The following TFEC variants were observed in gnomAD, a reference collection of about 807,000 sequenced individuals.
TFEC encodes the protein class E basic helix-loop-helix protein 34.
Under a neutral mutation model 41.6 loss-of-function variants are expected in TFEC, and 31 were observed. The observed-to-expected ratio is 0.74, with a 90% CI of 0.56 to 1.01. The LOEUF (loss-of-function observed/expected upper bound fraction) is 1.01. Among genes scored for constraint, TFEC ranks in the 50% least tolerant of loss-of-function variants. TFEC has a pLI of 0.00. For synonymous variants in TFEC, 143 were observed against 140.6 expected (o/e 1.02, Z -0.12); for missense variants, 402 against 404.1 (o/e 0.99, Z 0.04).
chr7:116,083,858 C>A (rs1473394189), intron 3 of TFEC, among the ~76,000 whole-genome samples: 1 of 151,874 alleles, frequency 6.6e-6, no homozygotes, highest in African/African-American at 2.4e-5. Context: ...CTGCCACAAT[C>A]CAAGCTTTGT....
chr7:115,946,100 A>C (rs1456236970), intron 6 of TFEC, among the ~76,000 whole-genome samples: 1 of 151,770 alleles, frequency 6.6e-6, no homozygotes, highest in Non-Finnish European at 1.5e-5. Flanking sequence ...TATAACTTGC[A>C]AACTATTCCC....
intron 1 of TFEC, among the ~76,000 whole-genome samples, chr7:115,989,481 A>T (rs536125612): frequency 6.6e-6 from 1 of 152,312 alleles, no homozygotes; most frequent in Admixed American, 6.5e-5. Context: ...GGGTCGGGGA[A>T]TTCTCTTTCC....
Position 115,938,801 on chromosome 7 carries a change from A to G in TFEC, c.*1750T>C, listed in dbSNP as rs976328430. 9 of 152,006 alleles carry G rather than the reference A, an allele frequency of 5.9e-5. No individual in the cohort carries two copies. Among genetic ancestry groups the G allele is most frequent in the South Asian group, 4.1e-4 (2 of 4,820 alleles). The allele number at this position is 152,006 out of a possible 1,614,324, so 9.4% of individuals were successfully genotyped here. A position where few individuals can be genotyped will look rare whatever the true frequency, so the allele number is the denominator to read the frequency against. On this transcript the variant is annotated 3_prime_UTR_variant, in exon 8 of 8. Coordinates refer to ENST00000265440, the MANE Select transcript of TFEC (RefSeq NM_012252.4). ...TAGCATCCTCCCTGCTACTAAAAAG[A>G]TTTGTTTCTATTATATTAATACTAT... is the stretch of plus-strand genomic sequence containing the variant.
At chr7:116,062,700 T>C (rs1050837975) in intron 3 of TFEC, among the ~76,000 whole-genome samples, 1 of 151,602 alleles carries the variant, frequency 6.6e-6, no homozygotes, top group South Asian at 2.1e-4. Flanking sequence ...AAATATAGTT[T>C]TTGTATAATG....
At chr7:116,026,118 T>G (rs751037638) in intron 1 of TFEC, among the ~76,000 whole-genome samples, 6 of 152,188 alleles carry the variant, frequency 3.9e-5, no homozygotes, top group Non-Finnish European at 7.4e-5. Context: ...CTTAAAAGCA[T>G]AGCTGTTCAT....
chr7:116,146,976 G>A (rs1175870214), intron 1 of TFEC, among the ~76,000 whole-genome samples: 1 of 152,178 alleles, frequency 6.6e-6, no homozygotes, highest in Non-Finnish European at 1.5e-5. Flanking sequence ...GGAACTCAAA[G>A]TTTGGATTAA....
intron 3 of TFEC, among the ~76,000 whole-genome samples, chr7:116,037,484 T>A (rs1171080328): frequency 6.6e-6 from 1 of 151,954 alleles, no homozygotes. Context: ...ACCTTTAGAG[T>A]TGTTAATATT....
chr7:116,108,971 G>A (rs1167111579), intron 3 of TFEC, among the ~76,000 whole-genome samples: 3 of 152,102 alleles, frequency 2.0e-5, no homozygotes, highest in Non-Finnish European at 4.4e-5. Context: ...AAGAAATGGG[G>A]AAAGGATTCC....
At chr7:116,046,834 A>G (rs971896925) in intron 3 of TFEC, among the ~76,000 whole-genome samples, 1 of 152,212 alleles carries the variant, frequency 6.6e-6, no homozygotes, top group Non-Finnish European at 1.5e-5. Flanking sequence ...ATCATGCCAC[A>G]ATTTATAATT....
At chr7:116,094,751 T>C (rs1196932232) in intron 3 of TFEC, among the ~76,000 whole-genome samples, 3 of 152,146 alleles carry the variant, frequency 2.0e-5, no homozygotes, top group Non-Finnish European at 4.4e-5. Flanking sequence ...CATTGAGATA[T>C]AGTAGTCTTA....
At chr7:116,015,539 A>G (rs1487514983) in intron 1 of TFEC, among the ~76,000 whole-genome samples, 1 of 152,170 alleles carries the variant, frequency 6.6e-6, no homozygotes, top group Admixed American at 6.6e-5. Flanking sequence ...GTGATCAATT[A>G]GCATTTCAGA....
intron 3 of TFEC, among the ~76,000 whole-genome samples, chr7:115,958,494 C>T (rs751360568): frequency 2.0e-5 from 3 of 151,760 alleles, no homozygotes; most frequent in African/African-American, 4.8e-5. Flanking sequence ...GGCACTTTCC[C>T]TCTGAAGAGC....
chr7:115,973,433 ATTC>A (rs1040102536), intron 3 of TFEC, among the ~76,000 whole-genome samples: 9 of 151,950 alleles, frequency 5.9e-5, no homozygotes, highest in African/African-American at 1.7e-4. Flanking sequence ...GATCTTTGAG[ATTC>A]TTTTTTCTCC....
At chr7:116,072,690 T>A (rs1268296414) in intron 3 of TFEC, among the ~76,000 whole-genome samples, 4 of 151,666 alleles carry the variant, frequency 2.6e-5, no homozygotes, top group Admixed American at 6.6e-5. Context: ...AGTTTAAATT[T>A]TTTAAATATC....
chr7:116,091,554 T>C (rs1460095412), intron 3 of TFEC, among the ~76,000 whole-genome samples: 2 of 152,162 alleles, frequency 1.3e-5, no homozygotes, highest in African/African-American at 4.8e-5. Context: ...TCAACATTTT[T>C]ACAAGATGTT....
intron 1 of TFEC, among the ~76,000 whole-genome samples, chr7:116,131,354 T>C (rs1008310987): frequency 2.6e-5 from 4 of 152,284 alleles, no homozygotes; most frequent in Non-Finnish European, 5.9e-5. Flanking sequence ...TCTGAGGTAA[T>C]AGGAACCCAC....
At chr7:116,095,155 A>G (rs530021861) in intron 3 of TFEC, among the ~76,000 whole-genome samples, 2 of 152,320 alleles carry the variant, frequency 1.3e-5, no homozygotes, top group South Asian at 4.1e-4. Context: ...TATCCCTTTC[A>G]TGGTTTGACC....
At chr7:116,099,475 C>T (rs1797554528) in intron 3 of TFEC, among the ~76,000 whole-genome samples, 1 of 152,196 alleles carries the variant, frequency 6.6e-6, no homozygotes, top group African/African-American at 2.4e-5. Flanking sequence ...GATGATTTGG[C>T]TGAAGGGACA....
At chr7:116,155,442 C>G (rs1798850224) in intron 1 of TFEC, among the ~76,000 whole-genome samples, 1 of 152,200 alleles carries the variant, frequency 6.6e-6, no homozygotes, top group Non-Finnish European at 1.5e-5. Flanking sequence ...ATTGGGCCTA[C>G]AGCAAACCTG....
Sources: allele counts gnomAD v4.1 joint callset (sites outside exome capture counted in the v4.1 genomes callset), GRCh38; gene constraint gnomAD v4.1.1; transcripts MANE v1.5; gene names NCBI Gene and HGNC (gene_info 2026-07-23, HGNC 2026-07-21).